Variants in GSDMD observed in about 807,000 individuals in gnomAD.
The protein encoded by GSDMD is gasdermin-D.
In GSDMD, 46 loss-of-function variants were observed where a neutral mutation model predicts 46.7. The observed-to-expected ratio is 0.99, with a 90% CI of 0.78 to 1.26. The LOEUF is 1.26. GSDMD is among the 50% of genes most tolerant of loss of function. The pLI, the probability that GSDMD is intolerant of heterozygous loss-of-function variation, is 0.00. For synonymous variants in GSDMD, 307 were observed against 283.1 expected (o/e 1.08, Z -0.85); for missense variants, 649 against 638.8 (o/e 1.02, Z -0.17).
chr8:143,556,334 C>T (rs976369372), upstream of GSDMD, among the ~76,000 whole-genome samples: 15 of 152,120 alleles, frequency 9.9e-5, no homozygotes, highest in African/African-American at 3.6e-4. Flanking sequence ...GAGCTGAGAT[C>T]ACGCCACTGC....
chr8:143,560,081 C>A, intron 3 of GSDMD, 112 bp downstream of exon 3: 3 of 1,060,930 alleles, frequency 2.8e-6, no homozygotes, highest in Non-Finnish European at 4.3e-6. Flanking sequence ...GCTATCTCGG[C>A]CAGGGTGGTC....
At chr8:143,558,050 A>G (rs1586992689), upstream of GSDMD, 2 of 386,474 alleles carry the variant, frequency 5.2e-6, no homozygotes, top group South Asian at 2.1e-5. Flanking sequence ...ATGCGCCACC[A>G]CGCCGGGCTA....
intron 3 of GSDMD, 33 bp from the exon 4 acceptor site, chr8:143,560,570 G>A (rs764816561): frequency 1.2e-5 from 19 of 1,541,830 alleles, no homozygotes; most frequent in Admixed American, 9.8e-5. Context: ...CAGGGGCTGC[G>A]GCCCAGCGAG....
rs771453201 is a variant in GSDMD, at chr8:143,562,053, A to G, written c.918A>G (p.Arg306=). ...CCAAGGAACTGGAGCTTTTGGACAG[A>G]GAGCTGTGCCAGCTGCTGCTGGAGG... ...TISKELELLD[R]ELCQLLLEGL... is the part of the protein sequence containing the mutation. Residue 306 remains arginine, a synonymous_variant, in exon 8 of 11, where the codon AGA becomes AGG. Coordinates refer to ENST00000262580, the MANE Select transcript of GSDMD (RefSeq NM_024736.7). 9.4e-6 allele frequency: 15 copies of G among 1,597,910 alleles called. No individual in the cohort carries two copies. In the South Asian group the frequency reaches 1.6e-4, roughly 17 times the overall value.
intron 1 of GSDMD, chr8:143,558,871 A>G: frequency 2.0e-6 from 1 of 494,972 alleles, no homozygotes. Flanking sequence ...CAGGTGGCTC[A>G]TGGAGCTCCA....
chr8:143,558,721 T>C, intron 1 of GSDMD: 2 of 588,046 alleles, frequency 3.4e-6, no homozygotes, highest in East Asian at 3.1e-5. Flanking sequence ...AGCTGCCTTC[T>C]GGGCCCAGCC....
intron 10 of GSDMD, 51 bp from the exon 11 acceptor site, chr8:143,562,611 A>C: frequency 6.3e-7 from 1 of 1,597,686 alleles, no homozygotes; most frequent in East Asian, 2.2e-5. Context: ...ATGGGCAGGC[A>C]CAAGATGCCC....
upstream of GSDMD, chr8:143,558,305 C>T (rs977041575): frequency 7.9e-6 from 12 of 1,513,062 alleles, no homozygotes; most frequent in African/African-American, 4.2e-5. Flanking sequence ...CTCTCCGGGA[C>T]GGTTCCGGGA....
At chr8:143,560,363 C>A in intron 3 of GSDMD, 1 of 650,606 alleles carries the variant, frequency 1.5e-6, no homozygotes, top group East Asian at 2.7e-5. Context: ...GTGGTGTGAA[C>A]ACGGGGGCCC....
At chr8:143,555,245 G>C (rs1454537115), upstream of GSDMD, 2 of 152,332 alleles carry the variant, frequency 1.3e-5, no homozygotes, top group African/African-American at 4.8e-5. Flanking sequence ...AGAGCCTTCA[G>C]GGTGAGGCTC....
In GSDMD at chr8:143,560,664, T is replaced by C; in HGVS notation, c.472T>C (p.Tyr158His). Reference protein sequence around the residue: ...QQLRSRGDNVYVVTEVLQTQK... With the variant: ...QQLRSRGDNVHVVTEVLQTQK... ...GCTGCGCAGCCGCGGGGACAACGTGTACGTGGTGACTGAGGTGCTGCAGAC... is the reference window on the plus strand; with the variant it reads ...GCTGCGCAGCCGCGGGGACAACGTGCACGTGGTGACTGAGGTGCTGCAGAC... Residue 158 changes from tyrosine to histidine, a missense_variant, in exon 4 of 11, where the codon TAC (tyrosine) becomes CAC (histidine). Transcript: ENST00000262580. The C allele has an allele frequency of 6.3e-7, 1 of 1,589,858 alleles. No individual in the cohort carries two copies. The highest frequency in any genetic ancestry group is 8.6e-7 in the Non-Finnish European group (1 of 1,168,452).
At chr8:143,561,672 C>CG in intron 6 of GSDMD, 70 bp from the exon 7 acceptor site, 4 of 1,313,818 alleles carry the variant, frequency 3.0e-6, no homozygotes, top group Non-Finnish European at 3.2e-6. Context: ...TGGGGAAGGC[C>CG]TCAGCCCTCT....
At chr8:143,557,385 ATGATGCCGCTGTGACGACAGC>A (rs1445288165), upstream of GSDMD, among the ~76,000 whole-genome samples, 804 of 121,332 alleles carry the variant, frequency 6.6e-3, 16 homozygotes, top group African/African-American at 0.016. Context: ...ATGGCGAAGG[ATGATGCCGCTGTGACGACAGC>A]TGCTGCCGCT....
Position 143,559,334 on chromosome 8 carries a change from G to A in GSDMD, c.-2G>A, listed in dbSNP as rs1181259671. On this transcript the variant is annotated splice_region_variant and 5_prime_UTR_variant, in exon 2 of 11. Coordinates refer to ENST00000262580, the MANE Select transcript of GSDMD (RefSeq NM_024736.7). ...CCTGACCCATTTCCCCTCCTCAGGA[G>A]CATGGGGTCGGCCTTTGAGCGGGTA... is the stretch of plus-strand genomic sequence containing the variant. The A allele has an allele frequency of 1.2e-6, 2 of 1,604,320 alleles. No homozygotes were observed. The highest frequency in any genetic ancestry group is 2.2e-5 in the East Asian group (1 of 44,552).
At chr8:143,554,873 A>T (rs1394628131), upstream of GSDMD, among the ~76,000 whole-genome samples, 21 of 152,258 alleles carry the variant, frequency 1.4e-4, no homozygotes, top group Admixed American at 1.4e-3. Flanking sequence ...GCCCACACCC[A>T]GCTAATGGGC....
chr8:143,560,268 A>C, intron 3 of GSDMD: 1 of 684,660 alleles, frequency 1.5e-6, no homozygotes. Flanking sequence ...GCAGGAAGGA[A>C]GCTGCAGGGG....
chr8:143,560,993 A>C lies in GSDMD; in HGVS notation c.580-9A>C. 1 of 1,609,302 alleles carries C rather than the reference A, an allele frequency of 6.2e-7. No individual in the cohort carries two copies. Among genetic ancestry groups the C allele is most frequent in the South Asian group, 1.1e-5 (1 of 91,032 alleles). On this transcript the variant is annotated splice_polypyrimidine_tract_variant and intron_variant, in intron 4 of 10. Transcript: ENST00000262580. ...AGGGCCCAGCCCCGAGCCCATCTCC[A>C]TGCCTCAGGGTGAGGGCCAGGGCCA... is the stretch of plus-strand genomic sequence containing the variant.
Position 143,559,433 on chromosome 8 carries a change from G to C in GSDMD, c.98G>C (p.Gly33Ala). The C allele has an allele frequency of 6.2e-7, 1 of 1,612,930 alleles. No homozygotes were observed. The highest frequency in any genetic ancestry group is 8.5e-7 in the Non-Finnish European group (1 of 1,179,978). The change falls in exon 2 of 11, where the codon GGC becomes GCC. Residue 33 changes from glycine (G) to alanine (A), a missense_variant. Transcript: ENST00000262580. ...IPVTSLQSST[G>A]FQPYCLVVRK... is the part of the protein sequence containing the mutation. The stretch of plus-strand genomic sequence containing the variant: ...GTGACCAGCCTGCAGAGCTCCACTG[G>C]CTTCCAGCCCTACTGCCTGGTGGTT...
rs1823458928 is a variant in GSDMD, at chr8:143,561,432, C to T, written c.736+9C>T. On this transcript the variant is annotated intron_variant, in intron 6 of 10. Transcript: ENST00000262580. ...CCAGCCACCCGCGACAGGTGAGAGC[C>T]GAGAGCCCCCAGCATGGGGTGTCCG... 1 of 1,610,524 alleles carries T rather than the reference C, an allele frequency of 6.2e-7. No individual in the cohort carries two copies. Among genetic ancestry groups the T allele is most frequent in the South Asian group, 1.1e-5 (1 of 90,768 alleles).
Sources: allele counts gnomAD v4.1 joint callset (sites outside exome capture counted in the v4.1 genomes callset), GRCh38; gene constraint gnomAD v4.1.1; transcripts MANE v1.5; gene names NCBI Gene and HGNC (gene_info 2026-07-23, HGNC 2026-07-21).